FRMPD2: variants seen among roughly 807,000 people sequenced by gnomAD.
FRMPD2 encodes FERM and PDZ domain containing 2, also known as FERM and PDZ domain-containing protein 2.
Under a neutral mutation model 140.1 loss-of-function variants are expected in FRMPD2, and 96 were observed. The observed-to-expected ratio is 0.69, with a 90% CI of 0.58 to 0.81. FRMPD2 has a LOEUF of 0.81. Ranked by LOEUF, FRMPD2 falls within the 40% of genes least tolerant of loss-of-function variation. FRMPD2 has a pLI of 0.00. For missense variants in FRMPD2, 1,240 were observed against 1,447.4 expected, an observed-to-expected ratio of 0.86 and a Z score of 2.32; for synonymous variants, 449 against 547.6, an observed-to-expected ratio of 0.82 and a Z score of 2.52.
chr10:48,239,776 A>G lies in FRMPD2; in HGVS notation c.701-84T>C, dbSNP rs1256807406. Reference sequence around the variant, plus strand: ...TCAGGCATCTCAGAGCATGAATGGCATCATGACTTACTAGCTGTGTGACCT... The same window carrying G: ...TCAGGCATCTCAGAGCATGAATGGCGTCATGACTTACTAGCTGTGTGACCT... On this transcript the variant is annotated intron_variant, in intron 6 of 28. Coordinates refer to ENST00000374201, the MANE Select transcript of FRMPD2 (RefSeq NM_001018071.4). The G allele has an allele frequency of 6.5e-6, 6 of 925,896 alleles. No homozygotes were observed. The Admixed American group carries it at 9.3e-5, about 14-fold the overall frequency. The allele number at this position is 925,896 out of a possible 1,614,324, so 57.4% of individuals were successfully genotyped here.
Position 48,184,618 on chromosome 10 carries a change from C to T in FRMPD2, c.2532G>A (p.Arg844=), listed in dbSNP as rs1838630286. The change falls in exon 20 of 29, where the codon AGG becomes AGA. Residue 844 remains arginine (R), a synonymous_variant. Transcript: ENST00000374201. ...LEGFTFNMAV[R]MIQNSPDNIE... ...TGTTGTCAGGGGAATTCTGGATCATCCTAACAGCCATGTTGAATGTGAAGC... is the reference window on the plus strand; with the variant it reads ...TGTTGTCAGGGGAATTCTGGATCATTCTAACAGCCATGTTGAATGTGAAGC... 5 of 1,613,768 alleles carry T rather than the reference C, an allele frequency of 3.1e-6. No homozygotes were observed. Among genetic ancestry groups the T allele is most frequent in the Non-Finnish European group, 4.2e-6 (5 of 1,179,692 alleles).
At chr10:48,235,914 G>C (rs1839956315) in intron 9 of FRMPD2, among the ~76,000 whole-genome samples, 1 of 152,050 alleles carries the variant, frequency 6.6e-6, no homozygotes, top group African/African-American at 2.4e-5. Flanking sequence ...TTCCTGAAAA[G>C]CCCACAAGGC....
At chr10:48,257,834 A>G (rs537619903) in intron 1 of FRMPD2, among the ~76,000 whole-genome samples, 3 of 152,318 alleles carry the variant, frequency 2.0e-5, no homozygotes, top group South Asian at 4.2e-4. Context: ...TGAGCACATC[A>G]TATTTCCTGT....
chr10:48,184,587 A>G lies in FRMPD2; in HGVS notation c.2563T>C (p.Leu855=), dbSNP rs200214184. Reference sequence around the variant, plus strand: ...ATACCTTTTGACTGAGAAATAATTAATTCTATGTTGTCAGGGGAATTCTGG... The same window carrying G: ...ATACCTTTTGACTGAGAAATAATTAGTTCTATGTTGTCAGGGGAATTCTGG... ...MIQNSPDNIE[L]IISQSKGVGG... Residue 855 remains leucine (L), a synonymous_variant, in exon 20 of 29, where the codon TTA becomes CTA. Transcript: ENST00000374201. The G allele has an allele frequency of 1.2e-6, 2 of 1,609,522 alleles. No individual in the cohort carries two copies. Among genetic ancestry groups the G allele is most frequent in the Non-Finnish European group, 1.7e-6 (2 of 1,175,848 alleles).
At chr10:48,255,822 C>A (rs1416893696) in intron 1 of FRMPD2, among the ~76,000 whole-genome samples, 1 of 152,142 alleles carries the variant, frequency 6.6e-6, no homozygotes, top group African/African-American at 2.4e-5. Context: ...GAAGAGCAAG[C>A]ACAACAGAGT....
intron 4 of FRMPD2, among the ~76,000 whole-genome samples, chr10:48,243,321 A>G (rs1840170593): frequency 6.6e-6 from 1 of 152,224 alleles, no homozygotes; most frequent in Admixed American, 6.5e-5. Context: ...GCTAGAGTTA[A>G]CCAAGAGGAA....
chr10:48,243,532 G>A (rs946004353), intron 4 of FRMPD2, among the ~76,000 whole-genome samples: 1 of 152,210 alleles, frequency 6.6e-6, no homozygotes, highest in South Asian at 2.1e-4. Flanking sequence ...GCAGGACCCT[G>A]TGCTATGACA....
chr10:48,217,107 G>A (rs976922005), intron 12 of FRMPD2, among the ~76,000 whole-genome samples: 1 of 152,180 alleles, frequency 6.6e-6, no homozygotes, highest in African/African-American at 2.4e-5. Flanking sequence ...GGGGACAGAG[G>A]GGAATTGAAC....
rs372149225 is a variant in FRMPD2, at chr10:48,218,578, C to T, written c.1455+3735G>A. On this transcript the variant is annotated intron_variant, in intron 12 of 28. Transcript: ENST00000374201. Reference sequence around the variant, plus strand: ...TCAAGTCTAACCAATCAAAGCATAACATCTCCCTACACAATGATTGGCTTC... The same window carrying T: ...TCAAGTCTAACCAATCAAAGCATAATATCTCCCTACACAATGATTGGCTTC... Among the ~76,000 whole-genome samples the T allele has an allele frequency of 4.6e-5, 7 of 152,160 alleles. No individual in the cohort carries two copies. The East Asian group carries it at 9.7e-4, about 21-fold the overall frequency.
rs1404083092 is a variant in FRMPD2, at chr10:48,249,073, G to T, written c.257C>A (p.Ala86Asp). Residue 86 changes from alanine to aspartate, a missense_variant, in exon 3 of 29, where the codon GCC becomes GAC. By Grantham distance (126) the Ala-to-Asp change is moderately radical. Transcript: ENST00000374201. Reference sequence around the variant, plus strand: ...ACTCTGTCCCTGTAGCAGTTCAGGGGCCTTGAAAGGAGCAGCCTCTATATG... The same window carrying T: ...ACTCTGTCCCTGTAGCAGTTCAGGGTCCTTGAAAGGAGCAGCCTCTATATG... ...VSHIEAAPFK[A>D]PELLQGQSED... is the part of the protein sequence containing the mutation. 4 of 1,613,760 alleles carry T rather than the reference G, an allele frequency of 2.5e-6. No individual in the cohort carries two copies. Among genetic ancestry groups the T allele is most frequent in the South Asian group, 1.1e-5 (1 of 91,066 alleles).
chr10:48,179,478 A>G (rs1216959408), intron 21 of FRMPD2, among the ~76,000 whole-genome samples: 7 of 151,230 alleles, frequency 4.6e-5, no homozygotes, highest in Non-Finnish European at 1.0e-4. Context: ...CTCCCACCTT[A>G]CATACTCCTG....
chr10:48,217,317 T>C (rs1402181207), intron 12 of FRMPD2, among the ~76,000 whole-genome samples: 1 of 152,174 alleles, frequency 6.6e-6, no homozygotes, highest in African/African-American at 2.4e-5. Context: ...TTTTCTATGC[T>C]AATGACCAAT....
In FRMPD2 at chr10:48,236,555, T is replaced by G. The variant is rs746636104; in HGVS notation, c.922-2A>C. ...CAGGATGAACTCTGGCCTGGAAAAC[T>G]GGAGGAAAACAGTCACATATGGTAG... On this transcript the variant is annotated splice_acceptor_variant, in intron 8 of 28. Coordinates refer to ENST00000374201, the MANE Select transcript of FRMPD2 (RefSeq NM_001018071.4). LOFTEE classifies it high-confidence loss of function. The G allele has an allele frequency of 6.2e-6, 10 of 1,614,062 alleles. No homozygotes were observed. The South Asian group carries it at 8.8e-5, about 14-fold the overall frequency.
chr10:48,212,045 A>T lies in FRMPD2; in HGVS notation c.1520T>A (p.Met507Lys), dbSNP rs1341559582. 1 of 1,614,124 alleles carries T rather than the reference A, an allele frequency of 6.2e-7. No individual in the cohort carries two copies. Among genetic ancestry groups the T allele is most frequent in the South Asian group, 1.1e-5 (1 of 91,082 alleles). The stretch of plus-strand genomic sequence containing the variant: ...TTCAACCTGGACCCGTAGAGCGGTC[A>T]TCCTCTCGATCAGACTCGCTGGGAT... The part of the protein sequence containing the change: ...DYIPASLIER[M>K]TALRVQVEVS... The change falls in exon 13 of 29, where the codon ATG (methionine) becomes AAG (lysine). Residue 507 changes from methionine to lysine, a missense_variant. This residue lies in a region of FRMPD2 where 1,161 missense variants were observed against 1,055.9 expected (regional missense o/e 1.10). Coordinates refer to ENST00000374201, the MANE Select transcript of FRMPD2 (RefSeq NM_001018071.4).
intron 1 of FRMPD2, among the ~76,000 whole-genome samples, chr10:48,255,599 G>A (rs531197793): frequency 1.7e-4 from 26 of 152,334 alleles, no homozygotes; most frequent in African/African-American, 6.0e-4. Flanking sequence ...GATGGGCAGA[G>A]GGAGACAGCC....
chr10:48,178,958 T>C (rs1465537852), intron 21 of FRMPD2: 1 of 152,026 alleles, frequency 6.6e-6, no homozygotes, highest in Non-Finnish European at 1.5e-5. Flanking sequence ...GGGTTGATAA[T>C]AGGAATGATC....
At chr10:48,256,208 G>A (rs1373650874) in intron 1 of FRMPD2, among the ~76,000 whole-genome samples, 1 of 152,102 alleles carries the variant, frequency 6.6e-6, no homozygotes, top group African/African-American at 2.4e-5. Flanking sequence ...GCTCGCATCT[G>A]CTCCCTGCCC....
At chr10:48,263,387 A>G (rs997341264) in intron 1 of FRMPD2, among the ~76,000 whole-genome samples, 1 of 151,882 alleles carries the variant, frequency 6.6e-6, no homozygotes, top group African/African-American at 2.4e-5. Flanking sequence ...AGATTATTTG[A>G]AAACAACAAC....
intron 18 of FRMPD2, among the ~76,000 whole-genome samples, chr10:48,185,189 C>T (rs535535389): frequency 1.3e-5 from 2 of 152,244 alleles, no homozygotes; most frequent in East Asian, 1.9e-4. Flanking sequence ...ACCTTGTCTC[C>T]GTACCTTGTT....
Sources: gnomAD v4.1 joint callset for allele counts (sites outside exome capture counted in the v4.1 genomes callset) on GRCh38, gnomAD v4.1.1 for gene constraint, gnomAD v4.1.1 regional missense constraint, MANE v1.5 for transcripts, NCBI Gene and HGNC (gene_info 2026-07-23, HGNC 2026-07-21) for gene names.